Variants in RUNX1T1 observed in about 807,000 individuals in gnomAD.
The protein encoded by RUNX1T1 is RUNX1 partner transcriptional co-repressor 1.
RUNX1T1 carries 4 observed loss-of-function variants against 62.8 expected under a neutral mutation model. The ratio of observed to expected loss-of-function variants is 0.06; its 90% CI spans 0.03 to 0.15. The LOEUF (loss-of-function observed/expected upper bound fraction) is 0.15, where lower values mean the gene tolerates loss of function less well. Ranked by LOEUF, RUNX1T1 falls within the 10% of genes least tolerant of loss-of-function variation. RUNX1T1 has a pLI of 1.00. For synonymous variants in RUNX1T1, 291 were observed against 286.0 expected, an observed-to-expected ratio of 1.02 and a Z score of -0.18; for missense variants, 508 against 754.3, an observed-to-expected ratio of 0.67 and a Z score of 3.82.
At chr8:91,982,295 A>G (rs1815490924) in intron 8 of RUNX1T1, among the ~76,000 whole-genome samples, 1 of 152,026 alleles carries the variant, frequency 6.6e-6, no homozygotes, top group South Asian at 2.1e-4. Flanking sequence ...GAAAACAAAA[A>G]GAGCGCACAC....
intron 1 of RUNX1T1, among the ~76,000 whole-genome samples, chr8:92,096,785 G>C (rs1473586621): frequency 1.3e-5 from 2 of 152,074 alleles, no homozygotes; most frequent in Non-Finnish European, 2.9e-5. Context: ...GAATAAAATG[G>C]GGATGAAGGG....
chr8:92,075,210 T>C (rs748440352), intron 2 of RUNX1T1, among the ~76,000 whole-genome samples: 4 of 152,210 alleles, frequency 2.6e-5, no homozygotes, highest in Admixed American at 6.5e-5. Context: ...AACATTTGTG[T>C]TGACTCTCAA....
chr8:92,065,480 A>G (rs1832739049), upstream of RUNX1T1, among the ~76,000 whole-genome samples: 1 of 152,198 alleles, frequency 6.6e-6, no homozygotes, highest in African/African-American at 2.4e-5. Flanking sequence ...TTTTAAGGCA[A>G]TTTTTTAGAG....
At chr8:92,102,647 A>G (rs1020286329), upstream of RUNX1T1, among the ~76,000 whole-genome samples, 2 of 152,154 alleles carry the variant, frequency 1.3e-5, no homozygotes, top group African/African-American at 4.8e-5. This position sits in a 1 kb window ranked among gnomAD's most constrained non-coding sequence, Gnocchi z 4.5. Flanking sequence ...TGACCCGCGA[A>G]GTTCAGTGTC....
intron 1 of RUNX1T1, among the ~76,000 whole-genome samples, chr8:92,051,785 A>G (rs1172940580): frequency 6.6e-6 from 1 of 152,136 alleles, no homozygotes; most frequent in Non-Finnish European, 1.5e-5. Flanking sequence ...ATACATTATG[A>G]ACTTGCAGCA....
At chr8:92,062,463 G>A in intron 1 of RUNX1T1, 1 of 1,438,928 alleles carries the variant, frequency 6.9e-7, no homozygotes, top group East Asian at 2.3e-5. Flanking sequence ...ACGCTGTGGG[G>A]CAGAAGGTAT....
At chr8:92,050,866 G>A (rs1830123977) in intron 1 of RUNX1T1, among the ~76,000 whole-genome samples, 1 of 152,120 alleles carries the variant, frequency 6.6e-6, no homozygotes, top group Admixed American at 6.5e-5. Context: ...GCAATGGACT[G>A]GCCCCTGAAC....
At chr8:92,046,724 G>C (rs1343424694) in intron 1 of RUNX1T1, among the ~76,000 whole-genome samples, 1 of 151,990 alleles carries the variant, frequency 6.6e-6, no homozygotes, top group African/African-American at 2.4e-5. Context: ...GCCTGTTTTG[G>C]GTATCTTATA....
chr8:91,973,248 A>T (rs1361852270), intron 9 of RUNX1T1, among the ~76,000 whole-genome samples: 1 of 151,940 alleles, frequency 6.6e-6, no homozygotes, highest in Non-Finnish European at 1.5e-5. Context: ...TTAGAAATAT[A>T]TATATATTTA....
chr8:92,027,114 T>C (rs1232661068), intron 1 of RUNX1T1, among the ~76,000 whole-genome samples: 2 of 73,034 alleles, frequency 2.7e-5, no homozygotes, highest in African/African-American at 1.0e-4. Flanking sequence ...AAACTCCGTC[T>C]CAAAAAAAAA....
At chr8:91,991,602 C>A (rs768850173) in intron 6 of RUNX1T1, 37 bp downstream of exon 7, 1 of 1,585,866 alleles carries the variant, frequency 6.3e-7, no homozygotes, top group Non-Finnish European at 8.6e-7. Flanking sequence ...TTCAAGCACC[C>A]AATCCCGTAA....
In RUNX1T1 at chr8:92,027,115, CAAAAA is replaced by C. The variant is rs71563484; in HGVS notation, c.8-9757_8-9753del. Among the ~76,000 whole-genome samples, 9 of 74,198 alleles carry C rather than the reference CAAAAA, an allele frequency of 1.2e-4. No homozygotes were observed. In the East Asian group the frequency reaches 4.4e-3, roughly 36 times the overall value. The allele number at this position is 74,198 out of a possible 152,430, so 48.7% of individuals were successfully genotyped here. On this transcript the variant is annotated intron_variant, in intron 1 of 10. Coordinates refer to ENST00000396218, the Ensembl canonical transcript of RUNX1T1. ...TGGGCGACAGAGCGAAACTCCGTCT[CAAAAA>C]AAAAAAAAAAAAAAGAAAAACAAAC... is the stretch of plus-strand genomic sequence containing the variant.
intron 5 of RUNX1T1, among the ~76,000 whole-genome samples, chr8:91,999,349 C>T (rs1345014934): frequency 6.6e-6 from 1 of 152,142 alleles, no homozygotes; most frequent in African/African-American, 2.4e-5. Flanking sequence ...GCCATATAAA[C>T]TCAAGAGGCT....
chr8:92,037,406 G>A (rs565714525), intron 1 of RUNX1T1, among the ~76,000 whole-genome samples: 2 of 152,118 alleles, frequency 1.3e-5, no homozygotes, highest in South Asian at 2.1e-4. Flanking sequence ...CATCAGGTGC[G>A]GTGACTCATG....
At chr8:92,017,071 A>C (rs1308522401) in intron 2 of RUNX1T1, among the ~76,000 whole-genome samples, 155 bp downstream of exon 3, 1 of 152,248 alleles carries the variant, frequency 6.6e-6, no homozygotes, top group Non-Finnish European at 1.5e-5. Flanking sequence ...TTCTGTGCTC[A>C]GTACCTACTT....
intron 1 of RUNX1T1, among the ~76,000 whole-genome samples, chr8:92,019,462 T>TAGGAGGAAAAAGAAG (rs569017303): frequency 6.6e-6 from 1 of 150,684 alleles, no homozygotes; most frequent in Non-Finnish European, 1.5e-5. Flanking sequence ...AATAAAGCAA[T>TAGGAGGAAAAAGAAG]AGGAGGAAAA....
intron 1 of RUNX1T1, among the ~76,000 whole-genome samples, chr8:92,026,696 C>T (rs1374519761): frequency 2.0e-5 from 3 of 151,904 alleles, no homozygotes; most frequent in Admixed American, 6.6e-5. Context: ...GTGGCGGGCG[C>T]CTGTAGTCCA....
At chr8:91,981,220 G>A (rs182808938) in intron 8 of RUNX1T1, among the ~76,000 whole-genome samples, 15 of 152,172 alleles carry the variant, frequency 9.9e-5, no homozygotes, top group Admixed American at 5.2e-4. Context: ...TACTGACTGA[G>A]TTTGTGCTTT....
intron 1 of RUNX1T1, among the ~76,000 whole-genome samples, chr8:92,041,248 C>T (rs932277610): frequency 3.9e-5 from 6 of 152,208 alleles, no homozygotes; most frequent in African/African-American, 1.4e-4. Flanking sequence ...CATGATTTCA[C>T]GGCCCATGCT....
Sources: allele counts gnomAD v4.1 joint callset (sites outside exome capture counted in the v4.1 genomes callset), GRCh38; gene constraint gnomAD v4.1.1; non-coding constraint Gnocchi (gnomAD v3.1); transcripts MANE v1.5; gene names NCBI Gene and HGNC (gene_info 2026-07-23, HGNC 2026-07-21).